Variants in CAST observed in about 807,000 individuals in gnomAD.
The protein encoded by CAST is calpastatin, also known as MIR583 host.
In CAST, 76 loss-of-function variants were observed where a neutral mutation model predicts 119.6. The observed-to-expected ratio is 0.64, with a 90% CI of 0.53 to 0.77. CAST has a LOEUF of 0.77. CAST is among the 30% of genes least tolerant of loss of function. CAST has a pLI of 0.00. For synonymous variants in CAST, 319 were observed against 331.6 expected, an observed-to-expected ratio of 0.96 and a Z score of 0.41; for missense variants, 953 against 946.5, an observed-to-expected ratio of 1.01 and a Z score of -0.09.
intron 1 of CAST, among the ~76,000 whole-genome samples, chr5:96,608,754 G>T (rs1392513945): frequency 1.3e-5 from 2 of 152,242 alleles, no homozygotes; most frequent in East Asian, 3.9e-4. Flanking sequence ...AAGCATGACT[G>T]GGAAGACCTC....
the CAST span, among the ~76,000 whole-genome samples, chr5:96,143,164 G>A: frequency 6.6e-6 from 1 of 152,304 alleles, no homozygotes; most frequent in African/African-American, 2.4e-5. Flanking sequence ...GTAATTGGAT[G>A]TATATATAAA....
chr5:96,680,127 G>T (rs1442851355), intron 2 of CAST, among the ~76,000 whole-genome samples: 2 of 151,520 alleles, frequency 1.3e-5, no homozygotes, highest in Admixed American at 6.6e-5. Context: ...GAGGTGGGCG[G>T]ATCACAAGGT....
rs551402356 is a variant in CAST at position 96,765,151 on chromosome 5, T to C, written c.1933-70T>C. 20 of 869,034 alleles carry C rather than the reference T, an allele frequency of 2.3e-5. No individual in the cohort carries two copies. In the African/African-American group the frequency reaches 3.4e-4, roughly 15 times the overall value. The allele number at this position is 869,034 out of a possible 1,614,324, so 53.8% of individuals were successfully genotyped here. A position where few individuals can be genotyped will look rare whatever the true frequency, so the allele number is the denominator to read the frequency against. The stretch of plus-strand genomic sequence containing the variant: ...CAGGTTCCCTCCTGAAAAGATGGAG[T>C]TCCTGGGCTAATTTGCCTCTGATAC... On this transcript the variant is annotated intron_variant, in intron 25 of 31. Transcript: ENST00000675179.
intron 2 of CAST, among the ~76,000 whole-genome samples, chr5:96,691,826 C>G (rs1189919254): frequency 6.6e-6 from 1 of 152,174 alleles, no homozygotes; most frequent in Non-Finnish European, 1.5e-5. Context: ...GAATGTGGTG[C>G]CTTTCTTCAC....
At chr5:96,035,767 G>GTA in the CAST span, among the ~76,000 whole-genome samples, 2 of 151,576 alleles carry the variant, frequency 1.3e-5, no homozygotes, top group Non-Finnish European at 2.9e-5. Flanking sequence ...GTTTGTGTGT[G>GTA]TGTGTGTGTG....
At chr5:96,561,223 G>A (rs918406923) in intron 1 of CAST, among the ~76,000 whole-genome samples, 24 of 149,860 alleles carry the variant, frequency 1.6e-4, no homozygotes, top group Admixed American at 6.0e-4. Context: ...GAGGGGAGAC[G>A]GATAGCATTA....
the CAST span, among the ~76,000 whole-genome samples, chr5:96,168,673 A>G: frequency 6.6e-6 from 1 of 152,250 alleles, no homozygotes; most frequent in Non-Finnish European, 1.5e-5. Context: ...AACAGGAAAG[A>G]AGGAAATATG....
chr5:96,751,629 C>T (rs1311653557), intron 20 of CAST, among the ~76,000 whole-genome samples: 2 of 152,080 alleles, frequency 1.3e-5, no homozygotes, highest in African/African-American at 4.8e-5. Context: ...TGGTAAAGAA[C>T]CGGAGAGGAG....
At chr5:96,410,705 G>A in the CAST span, 3 of 1,241,568 alleles carry the variant, frequency 2.4e-6, no homozygotes, top group African/African-American at 1.5e-5. Context: ...AGGTCAGTTA[G>A]GGGAATCATT....
chr5:96,481,357 C>T, the CAST span, among the ~76,000 whole-genome samples: 4 of 152,104 alleles, frequency 2.6e-5, no homozygotes, highest in East Asian at 3.8e-4. Flanking sequence ...TTGGTATTTT[C>T]TAGCATTTTA....
chr5:96,627,541 T>C (rs1314144706), intron 1 of CAST, among the ~76,000 whole-genome samples: 1 of 152,186 alleles, frequency 6.6e-6, no homozygotes, highest in Admixed American at 6.5e-5. Context: ...CTGTGAAACC[T>C]AAAAATTTGG....
chr5:96,736,073 T>C (rs779189500), intron 9 of CAST, 99 bp from the exon 10 acceptor site: 115 of 714,872 alleles, frequency 1.6e-4, no homozygotes, highest in Non-Finnish European at 1.9e-4. Context: ...CAGTGTATGA[T>C]CAATGCTTGT....
At chr5:96,125,562 T>G in the CAST span, among the ~76,000 whole-genome samples, 1 of 152,172 alleles carries the variant, frequency 6.6e-6, no homozygotes, top group South Asian at 2.1e-4. Context: ...CCTGTGGAAA[T>G]GCTAGTAAAT....
chr5:96,077,282 G>A, the CAST span, among the ~76,000 whole-genome samples: 1 of 151,882 alleles, frequency 6.6e-6, no homozygotes, highest in African/African-American at 2.4e-5. Flanking sequence ...TTAAGATTAC[G>A]AACATCTTTA....
the CAST span, among the ~76,000 whole-genome samples, chr5:96,362,438 A>G: frequency 2.0e-5 from 3 of 152,224 alleles, no homozygotes; most frequent in African/African-American, 7.2e-5. Context: ...GAACTAGTTT[A>G]CAGTCCCACC....
intron 2 of CAST, among the ~76,000 whole-genome samples, chr5:96,676,500 A>G (rs1750728085): frequency 6.6e-6 from 1 of 152,154 alleles, no homozygotes; most frequent in South Asian, 2.1e-4. Flanking sequence ...AGAACCTGCT[A>G]TGCATTCTGT....
chr5:96,599,972 A>G (rs368740330), intron 1 of CAST, among the ~76,000 whole-genome samples: 5 of 142,488 alleles, frequency 3.5e-5, no homozygotes, highest in South Asian at 2.2e-4. Context: ...TAGGCAAAAA[A>G]AAAAAAAAAA....
At chr5:96,271,622 A>G in the CAST span, among the ~76,000 whole-genome samples, 3 of 151,806 alleles carry the variant, frequency 2.0e-5, no homozygotes, top group Admixed American at 2.0e-4. Context: ...AAAGACTTAA[A>G]CCTAAGACTT....
the CAST span, among the ~76,000 whole-genome samples, chr5:96,460,565 C>CA: frequency 8.3e-4 from 118 of 142,874 alleles, no homozygotes; most frequent in East Asian, 6.8e-3. Context: ...ATTCTAAGTA[C>CA]AAAAAAAAAA....
Sources: gnomAD v4.1 joint callset for allele counts (sites outside exome capture counted in the v4.1 genomes callset) on GRCh38, gnomAD v4.1.1 for gene constraint, MANE v1.5 for transcripts, NCBI Gene and HGNC (gene_info 2026-07-23, HGNC 2026-07-21) for gene names.